TM7SF2: variants seen among roughly 807,000 people sequenced by gnomAD.
TM7SF2 encodes the protein transmembrane 7 superfamily member 2, also known as delta(14)-sterol reductase TM7SF2.
In TM7SF2, 51 loss-of-function variants were observed where a neutral mutation model predicts 51.0. The ratio of observed to expected loss-of-function variants is 1.00; its 90% CI spans 0.80 to 1.26. The LOEUF is 1.26. Among genes scored for constraint, TM7SF2 ranks in the 50% most tolerant of loss-of-function variants. TM7SF2 has a pLI of 0.00. For synonymous variants in TM7SF2, 255 were observed against 241.0 expected (o/e 1.06, Z -0.54); for missense variants, 541 against 547.4 (o/e 0.99, Z 0.12).
chr11:65,112,529 C>T lies in TM7SF2; in HGVS notation c.67C>T (p.Leu23=), dbSNP rs958116052. 1.3e-6 allele frequency: 2 copies of T among 1,529,292 alleles called. No individual in the cohort carries two copies. The highest frequency in any genetic ancestry group is 1.7e-6 in the Non-Finnish European group (2 of 1,147,592). 94.7% of individuals were successfully genotyped at this position (1,529,292 alleles called of 1,614,324 possible). A position where few individuals can be genotyped will look rare whatever the true frequency, so the allele number is the denominator to read the frequency against. The change falls in exon 2 of 10, where the codon CTA becomes TTA. Residue 23 remains leucine (L), a synonymous_variant. Transcript: ENST00000279263. ...CCTTCCCGCAGGCGCCGCGGCTCTG[C>T]TACTGCTGCTGCCCGCCACCATGTT... The part of the protein sequence containing the change: ...FGGPLGAAAL[L]LLLPATMFHL...
chr11:65,112,219 G>C (rs1471424664), intron 1 of TM7SF2, 152 bp downstream of exon 1: 1 of 799,434 alleles, frequency 1.3e-6, no homozygotes, highest in South Asian at 1.8e-5. Flanking sequence ...AGGGTGTCTG[G>C]AGAGGGAGAG....
chr11:65,115,009 C>T lies in TM7SF2; in HGVS notation c.820C>T (p.Gln274Ter). ...MAWVPFTYSL[Q>*]AQFLLHHPQP... ...CTGGGTGCCCTTCACCTACAGCCTG[C>T]AGGCCCAGTTCCTGCTGCACCACCC... is the stretch of plus-strand genomic sequence containing the variant. Residue 274 changes from glutamine to a stop codon, truncating the protein, a stop_gained, in exon 7 of 10, where the codon CAG becomes TAG. Coordinates refer to ENST00000279263, the MANE Select transcript of TM7SF2 (RefSeq NM_003273.6). LOFTEE classifies it high-confidence loss of function. 1 of 1,614,174 alleles carries T rather than the reference C, an allele frequency of 6.2e-7. No individual in the cohort carries two copies. Among genetic ancestry groups the T allele is most frequent in the Non-Finnish European group, 8.5e-7 (1 of 1,180,030 alleles).
At position 65,115,975 on chromosome 11, in the gene TM7SF2, G is replaced by C. The variant is rs1947977839; in HGVS notation, c.1179G>C (p.Gln393His). The change falls in exon 10 of 10, where the codon CAG becomes CAC. Residue 393 changes from glutamine to histidine, a missense_variant. Transcript: ENST00000279263. ...LVHREARDER[Q>H]CLQKYGLAWQ... ...ACCGTGAGGCCCGGGATGAGCGGCA[G>C]TGCCTGCAGAAGTACGGCCTGGCCT... The C allele has an allele frequency of 1.9e-6, 3 of 1,613,772 alleles. No homozygotes were observed. Among genetic ancestry groups the C allele is most frequent in the Non-Finnish European group, 2.5e-6 (3 of 1,180,026 alleles).
chr11:65,112,495 C>T lies in TM7SF2; in HGVS notation c.53-20C>T, dbSNP rs545405804. 1.3e-6 allele frequency: 2 copies of T among 1,509,454 alleles called. No individual in the cohort carries two copies. Among genetic ancestry groups the T allele is most frequent in the East Asian group, 2.7e-5 (1 of 36,894 alleles). 93.5% of individuals were successfully genotyped at this position (1,509,454 alleles called of 1,614,324 possible). A position where few individuals can be genotyped will look rare whatever the true frequency, so the allele number is the denominator to read the frequency against. Reference sequence around the variant, plus strand: ...TGGGGGGCTAGGGGCGGACGCCCGACGTGATGGCCCTTCCCGCAGGCGCCG... The same window carrying T: ...TGGGGGGCTAGGGGCGGACGCCCGATGTGATGGCCCTTCCCGCAGGCGCCG... On this transcript the variant is annotated intron_variant, in intron 1 of 9. Coordinates refer to ENST00000279263, the MANE Select transcript of TM7SF2 (RefSeq NM_003273.6).
In TM7SF2 at chr11:65,113,577, C is replaced by T; in HGVS notation, c.586C>T (p.Pro196Ser). The T allele has an allele frequency of 6.2e-7, 1 of 1,614,122 alleles. No individual in the cohort carries two copies. Among genetic ancestry groups the T allele is most frequent in the Middle Eastern group, 1.7e-4 (1 of 6,048 alleles). Residue 196 changes from proline to serine, a missense_variant, in exon 5 of 10, where the codon CCC (proline) becomes TCC (serine). Physicochemically the swap from Pro to Ser is moderately conservative, Grantham distance 74. Coordinates refer to ENST00000279263, the MANE Select transcript of TM7SF2 (RefSeq NM_003273.6). ...CTTCAAATATTTCTGTGAACTGCGA[C>T]CCGGCCTCATCGGCTGGGTATGTTG... ...FDFKYFCELR[P>S]GLIGWVLINL...
chr11:65,113,132 C>T (rs1046477023), intron 3 of TM7SF2, 88 bp from the exon 4 acceptor site: 7 of 1,373,568 alleles, frequency 5.1e-6, no homozygotes, highest in Non-Finnish European at 5.8e-6. Context: ...GGGTCTGTGG[C>T]CCCCCTGAGT....
rs1000855590 is a variant in TM7SF2 at position 65,112,928 on chromosome 11, C to T, written c.304+63C>T. ...GCCGGGGGTGGAGCTCCAGGCCTAGCGGGGAGGTCCACGGAGATTGGCCCC... is the reference window on the plus strand; with the variant it reads ...GCCGGGGGTGGAGCTCCAGGCCTAGTGGGGAGGTCCACGGAGATTGGCCCC... On this transcript the variant is annotated intron_variant, in intron 3 of 9. Coordinates refer to ENST00000279263, the MANE Select transcript of TM7SF2 (RefSeq NM_003273.6). 2.0e-6 allele frequency: 3 copies of T among 1,534,340 alleles called. No individual in the cohort carries two copies. The African/African-American group carries it at 4.1e-5, about 21-fold the overall frequency.
rs1408509054 is a variant in TM7SF2, at chr11:65,112,676, C to G, written c.214C>G (p.Leu72Val). ...ALLLWLAWLG[L>V]QAALYLLPAR... ...GCTGCTGTGGCTCGCCTGGCTCGGC[C>G]TGCAGGCGGCGCTCTACCTACTGCC... Residue 72 changes from leucine to valine, a missense_variant, in exon 2 of 10, where the codon CTG becomes GTG. Leu to Val is a conservative substitution (Grantham distance 32). Coordinates refer to ENST00000279263, the MANE Select transcript of TM7SF2 (RefSeq NM_003273.6). 1.3e-6 allele frequency: 2 copies of G among 1,535,360 alleles called. No individual in the cohort carries two copies. The highest frequency in any genetic ancestry group is 4.0e-5 in the Admixed American group (2 of 50,348).
At chr11:65,113,106 C>T (rs1348723128) in intron 3 of TM7SF2, 114 bp from the exon 4 acceptor site, 7 of 1,232,892 alleles carry the variant, frequency 5.7e-6, no homozygotes, top group Non-Finnish European at 7.7e-6. Flanking sequence ...AGGGTGGCAG[C>T]CTAATGCTTG....
At chr11:65,112,747 A>G in intron 2 of TM7SF2, 36 bp downstream of exon 2, 1 of 1,549,176 alleles carries the variant, frequency 6.5e-7, no homozygotes, top group Non-Finnish European at 8.7e-7. Context: ...GGGGGAGGGA[A>G]GCGAATGGGC....
chr11:65,114,764 C>G lies in TM7SF2; in HGVS notation c.655C>G (p.Pro219Ala). The change falls in exon 6 of 10, where the codon CCC (proline) becomes GCC (alanine). Residue 219 changes from proline (P) to alanine (A), a missense_variant. Physicochemically the swap from Pro to Ala is conservative, Grantham distance 27. Coordinates refer to ENST00000279263, the MANE Select transcript of TM7SF2 (RefSeq NM_003273.6). ...GAAGGAGGCAGAGCTTCGAGGCAGTCCCTCACTGGCCATGTGGCTGGTCAA... is the reference window on the plus strand; with the variant it reads ...GAAGGAGGCAGAGCTTCGAGGCAGTGCCTCACTGGCCATGTGGCTGGTCAA... Reference protein sequence around the residue: ...LMKEAELRGSPSLAMWLVNGF... With the variant: ...LMKEAELRGSASLAMWLVNGF... 1 of 1,614,240 alleles carries G rather than the reference C, an allele frequency of 6.2e-7. No homozygotes were observed. Among genetic ancestry groups the G allele is most frequent in the Non-Finnish European group, 8.5e-7 (1 of 1,180,038 alleles).
rs371740908 is a variant in TM7SF2 at position 65,115,330 on chromosome 11, C to T, written c.909C>T (p.Ile303=). The change falls in exon 8 of 10, where the codon ATC becomes ATT. Residue 303 remains isoleucine (I), a synonymous_variant. Transcript: ENST00000279263. ...ICLINATGYY[I]FRGANSQKNT... is the part of the protein sequence containing the mutation. ...TCTCACCAGCTACTGGTTACTACAT[C>T]TTCCGTGGGGCGAATTCCCAGAAAA... is the stretch of plus-strand genomic sequence containing the variant. 6.2e-7 allele frequency: 1 copy of T among 1,614,162 alleles called. No individual in the cohort carries two copies. The highest frequency in any genetic ancestry group is 1.3e-5 in the African/African-American group (1 of 75,054).
intron 7 of TM7SF2, 38 bp from the exon 8 acceptor site, chr11:65,115,276 C>T (rs1947962803): frequency 6.2e-7 from 1 of 1,609,420 alleles, no homozygotes; most frequent in East Asian, 2.2e-5. Context: ...GAGGCTGCAA[C>T]CCTTGACCTT....
intron 5 of TM7SF2, 89 bp downstream of exon 5, chr11:65,113,683 G>A (rs1947941864): frequency 9.3e-7 from 1 of 1,079,644 alleles, no homozygotes; most frequent in African/African-American, 1.6e-5. Context: ...CCAAAACTGT[G>A]CAGATGCGAG....
rs983034867 is a variant in TM7SF2, at chr11:65,111,979, A to C, written c.-37A>C. The C allele has an allele frequency of 6.4e-7, 1 of 1,563,094 alleles. No individual in the cohort carries two copies. Among genetic ancestry groups the C allele is most frequent in the African/African-American group, 1.3e-5 (1 of 74,188 alleles). ...GCGGACAGTGTTTCCTTGACTGACT[A>C]TTGTGAGCGCCCTCTCTCTCCGGCG... On this transcript the variant is annotated 5_prime_UTR_variant, in exon 1 of 10. Transcript: ENST00000279263.
rs544428172 is a variant in TM7SF2, at chr11:65,113,121, A to G, written c.305-99A>G. 3.3e-4 allele frequency: 439 copies of G among 1,311,816 alleles called. 2 individuals carry two copies. The highest frequency in any genetic ancestry group is 1.4e-4 in the Non-Finnish European group (139 of 979,630). The allele number at this position is 1,311,816 out of a possible 1,614,324, so 81.3% of individuals were successfully genotyped here. On this transcript the variant is annotated intron_variant, in intron 3 of 9. Coordinates refer to ENST00000279263, the MANE Select transcript of TM7SF2 (RefSeq NM_003273.6). ...AGGGTGGCAGCCTAATGCTTGGGGC[A>G]GGGTCTGTGGCCCCCCTGAGTTTTG...
intron 4 of TM7SF2, 23 bp downstream of exon 4, chr11:65,113,437 G>A (rs531104489): frequency 6.2e-7 from 1 of 1,614,180 alleles, no homozygotes; most frequent in Admixed American, 1.7e-5. Flanking sequence ...CTGGGGTGGA[G>A]ACGGAGGCAG....
intron 9 of TM7SF2, 100 bp from the exon 10 acceptor site, chr11:65,115,793 C>T: frequency 6.3e-7 from 1 of 1,597,398 alleles, no homozygotes; most frequent in Non-Finnish European, 8.6e-7. Flanking sequence ...GCTTTTGCTG[C>T]TGAGCCCCGA....
Position 65,115,705 on chromosome 11 carries a change from C to T in TM7SF2, c.1096+107C>T. On this transcript the variant is annotated intron_variant, in intron 9 of 9. Coordinates refer to ENST00000279263, the MANE Select transcript of TM7SF2 (RefSeq NM_003273.6). Reference sequence around the variant, plus strand: ...TGCACCAGTGAGAGTAGTCAGAGAGCTGGGGGTGGACCCAGTGTGTGGCTG... The same window carrying T: ...TGCACCAGTGAGAGTAGTCAGAGAGTTGGGGGTGGACCCAGTGTGTGGCTG... The T allele has an allele frequency of 1.9e-6, 3 of 1,596,872 alleles. No homozygotes were observed. In the South Asian group the frequency reaches 3.3e-5, roughly 18 times the overall value.
Sources: gnomAD v4.1 joint callset for allele counts on GRCh38, gnomAD v4.1.1 for gene constraint, MANE v1.5 for transcripts, NCBI Gene and HGNC (gene_info 2026-07-23, HGNC 2026-07-21) for gene names.